The following XIRP2 variants were observed in gnomAD, a reference collection of about 807,000 sequenced individuals.
XIRP2 encodes the protein xin actin binding repeat containing 2.
Under a neutral mutation model 277.0 loss-of-function variants are expected in XIRP2, and 236 were observed. That is an observed-to-expected ratio of 0.85 (90% confidence interval 0.77 to 0.95). The LOEUF (loss-of-function observed/expected upper bound fraction) is 0.95, where lower values mean the gene tolerates loss of function less well. Among genes scored for constraint, XIRP2 ranks in the 40% least tolerant of loss-of-function variants. The pLI, the probability that XIRP2 is intolerant of heterozygous loss-of-function variation, is 0.00. For synonymous variants in XIRP2, 1,490 were observed against 1,416.5 expected, an observed-to-expected ratio of 1.05 and a Z score of -1.17; for missense variants, 4,640 against 4,157.5, an observed-to-expected ratio of 1.12 and a Z score of -3.19.
At position 166,969,527 on chromosome 2, in the gene XIRP2, A is replaced by C. The variant is rs1014929688; in HGVS notation, c.408+65637A>C. Among the ~76,000 whole-genome samples, 3 of 151,692 alleles carry C rather than the reference A, an allele frequency of 2.0e-5. No homozygotes were observed. The East Asian group carries it at 5.8e-4, about 29-fold the overall frequency. ...TAATATCTTCTGCAGTATGAGTGAG[A>C]ATAAACGATATTACAATAAAAAAAA... is the stretch of plus-strand genomic sequence containing the variant. On this transcript the variant is annotated intron_variant, in intron 2 of 10. Coordinates refer to ENST00000409195, the MANE Select transcript of XIRP2 (RefSeq NM_152381.6).
chr2:166,900,130 T>G (rs1468276228), intron 1 of XIRP2, among the ~76,000 whole-genome samples: 1 of 152,066 alleles, frequency 6.6e-6, no homozygotes, highest in African/African-American at 2.4e-5. Context: ...TTTTAGATCT[T>G]TTTTATAGTC....
intron 2 of XIRP2, among the ~76,000 whole-genome samples, chr2:167,084,618 A>C (rs907849667): frequency 4.6e-5 from 7 of 151,866 alleles, no homozygotes; most frequent in East Asian, 1.9e-4. Flanking sequence ...ACAATTTCAG[A>C]TCCTGTTATT....
At chr2:167,215,847 A>C (rs920935132) in intron 4 of XIRP2, among the ~76,000 whole-genome samples, 20 of 152,264 alleles carry the variant, frequency 1.3e-4, no homozygotes, top group Admixed American at 3.9e-4. Flanking sequence ...AATGCACCTG[A>C]GCTACTTCTG....
In XIRP2 at chr2:167,248,286, A is replaced by G. The variant is rs1178493157; in HGVS notation, c.6894A>G (p.Pro2298=). ...PLPPPSPPPP[P]PSNASSEIEF... ...CACCTCCATCTCCACCTCCTCCACC[A>G]CCTTCTAATGCATCATCTGAAATTG... The change falls in exon 9 of 11, where the codon CCA becomes CCG. Residue 2298 remains proline (P), a synonymous_variant. Transcript: ENST00000409195. 2 of 1,613,332 alleles carry G rather than the reference A, an allele frequency of 1.2e-6. No homozygotes were observed. The highest frequency in any genetic ancestry group is 1.7e-6 in the Non-Finnish European group (2 of 1,179,764).
intron 2 of XIRP2, among the ~76,000 whole-genome samples, chr2:167,121,066 A>G (rs965951365): frequency 2.0e-5 from 3 of 152,164 alleles, no homozygotes; most frequent in African/African-American, 7.2e-5. Context: ...CAGAGATGAA[A>G]TAACTGTGTT....
At chr2:166,899,790 G>A (rs558607599) in intron 1 of XIRP2, among the ~76,000 whole-genome samples, 1 of 152,088 alleles carries the variant, frequency 6.6e-6, no homozygotes, top group African/African-American at 2.4e-5. Context: ...ACTGCTTTTT[G>A]GAACTGAGAG....
At chr2:167,241,407 T>A (rs1695060551) in intron 7 of XIRP2, among the ~76,000 whole-genome samples, 1 of 152,192 alleles carries the variant, frequency 6.6e-6, no homozygotes, top group Non-Finnish European at 1.5e-5. Context: ...TGTAGAAAAT[T>A]TGGAAAATCC....
rs905134747 is a variant in XIRP2, at chr2:167,028,707, C to T, written c.409-107202C>T. On this transcript the variant is annotated intron_variant, in intron 2 of 10. Coordinates refer to ENST00000409195, the MANE Select transcript of XIRP2 (RefSeq NM_152381.6). Reference sequence around the variant, plus strand: ...AACATCCAGGAAAACATGACATCACCAAATGAGCTAAATAAGGCACCAGTG... The same window carrying T: ...AACATCCAGGAAAACATGACATCACTAAATGAGCTAAATAAGGCACCAGTG... Among the ~76,000 whole-genome samples, 3 of 151,688 alleles carry T rather than the reference C, an allele frequency of 2.0e-5. No individual in the cohort carries two copies. In the South Asian group the frequency reaches 6.3e-4, roughly 32 times the overall value.
At chr2:166,912,821 A>G (rs886260669) in intron 2 of XIRP2, among the ~76,000 whole-genome samples, 1 of 152,154 alleles carries the variant, frequency 6.6e-6, no homozygotes, top group African/African-American at 2.4e-5. Flanking sequence ...TTTTCCTTCT[A>G]ACAGTCAGGA....
chr2:166,970,753 G>A (rs1371052216), intron 2 of XIRP2, among the ~76,000 whole-genome samples: 1 of 151,802 alleles, frequency 6.6e-6, no homozygotes, highest in African/African-American at 2.4e-5. Context: ...TAAATTTATA[G>A]TGATTCACAT....
chr2:167,095,839 G>C (rs1464770408), intron 2 of XIRP2, among the ~76,000 whole-genome samples: 1 of 133,046 alleles, frequency 7.5e-6, no homozygotes, highest in Non-Finnish European at 1.6e-5. Flanking sequence ...AAATGATTTA[G>C]GAGGCGTCAC....
rs551832276 is a variant in XIRP2, at chr2:167,090,403, AGG to A, written c.409-45504_409-45503del. Among the ~76,000 whole-genome samples the A allele has an allele frequency of 2.9e-3, 440 of 152,208 alleles. 4 individuals are homozygous for A. Among genetic ancestry groups the A allele is most frequent in the African/African-American group, 0.01 (420 of 41,496 alleles). ...CTTTCTGCATCTCCAAACTTCTGTC[AGG>A]GATCATTTGCCATCCACCTGAAAAA... On this transcript the variant is annotated intron_variant, in intron 2 of 10. Coordinates refer to ENST00000409195, the MANE Select transcript of XIRP2 (RefSeq NM_152381.6).
intron 2 of XIRP2, among the ~76,000 whole-genome samples, chr2:166,994,752 G>A (rs1385395802): frequency 6.6e-6 from 1 of 151,748 alleles, no homozygotes; most frequent in Non-Finnish European, 1.5e-5. Context: ...TATTATGTCA[G>A]TGTTAATTTC....
chr2:166,938,651 G>C (rs1225470080), intron 2 of XIRP2, among the ~76,000 whole-genome samples: 2 of 152,120 alleles, frequency 1.3e-5, no homozygotes, highest in African/African-American at 4.8e-5. Context: ...GGATATCCTT[G>C]TTAACTTTCT....
intron 2 of XIRP2, among the ~76,000 whole-genome samples, chr2:167,073,446 G>T (rs1454466069): frequency 6.6e-6 from 1 of 151,882 alleles, no homozygotes; most frequent in Non-Finnish European, 1.5e-5. Flanking sequence ...AAAATCCTAT[G>T]GTACACTTCT....
intron 2 of XIRP2, among the ~76,000 whole-genome samples, chr2:167,054,780 C>A (rs1211358788): frequency 6.6e-6 from 1 of 151,980 alleles, no homozygotes. Flanking sequence ...GGAAGACAGG[C>A]ACACAGTATC....
chr2:166,979,255 C>G (rs1021648547), intron 2 of XIRP2, among the ~76,000 whole-genome samples: 4 of 151,928 alleles, frequency 2.6e-5, no homozygotes, highest in African/African-American at 9.7e-5. Flanking sequence ...TCAATTGGCT[C>G]TAGGATACCG....
chr2:166,947,938 A>G (rs962730656), intron 2 of XIRP2, among the ~76,000 whole-genome samples: 1 of 152,152 alleles, frequency 6.6e-6, no homozygotes, highest in Admixed American at 6.6e-5. Flanking sequence ...GAAATGGGCT[A>G]TCAAACTATG....
At chr2:167,106,060 C>T (rs1044948414) in intron 2 of XIRP2, among the ~76,000 whole-genome samples, 5 of 151,076 alleles carry the variant, frequency 3.3e-5, no homozygotes, top group Non-Finnish European at 5.9e-5. Context: ...GTTATTTGTA[C>T]GTTCCAGATA....
Sources: allele counts gnomAD v4.1 joint callset (sites outside exome capture counted in the v4.1 genomes callset), GRCh38; gene constraint gnomAD v4.1.1; transcripts MANE v1.5; gene names NCBI Gene and HGNC (gene_info 2026-07-23, HGNC 2026-07-21).